HMGN5: variants seen among roughly 807,000 people sequenced by gnomAD.
HMGN5 encodes the protein high mobility group nucleosome binding domain 5.
Under a neutral mutation model 9.5 loss-of-function variants are expected in HMGN5, and 4 were observed. The ratio of observed to expected loss-of-function variants is 0.42; its 90% CI spans 0.21 to 0.96. The LOEUF is 0.96. Ranked by LOEUF, HMGN5 falls within the 40% of genes least tolerant of loss-of-function variation. The pLI, the probability that HMGN5 is intolerant of heterozygous loss-of-function variation, is 0.30. For synonymous variants in HMGN5, 55 were observed against 57.1 expected, an observed-to-expected ratio of 0.96 and a Z score of 0.16; for missense variants, 192 against 187.5, an observed-to-expected ratio of 1.02 and a Z score of -0.14.
At chrX:81,180,280 G>C (rs1369287431) in intron 1 of HMGN5, among the ~76,000 whole-genome samples, 1 of 110,790 alleles carries the variant, frequency 9.0e-6, no homozygotes, top group Non-Finnish European at 1.9e-5. Context: ...TACAGAATGG[G>C]AGAAAATTTT....
chrX:81,128,508 A>G (rs367650909), intron 1 of HMGN5, among the ~76,000 whole-genome samples: 1 of 111,567 alleles, frequency 9.0e-6, no homozygotes, highest in East Asian at 2.8e-4. Flanking sequence ...ATATACAGAC[A>G]CATGATCAAT....
chrX:81,199,925 T>C (rs972398427), intron 1 of HMGN5, among the ~76,000 whole-genome samples: 3 of 111,676 alleles, frequency 2.7e-5, no homozygotes, highest in African/African-American at 9.8e-5. Context: ...GAAACTATCA[T>C]CAGAGTGAAC....
chrX:81,134,088 C>A (rs1315035519), intron 1 of HMGN5, among the ~76,000 whole-genome samples: 5 of 110,814 alleles, frequency 4.5e-5, no homozygotes, highest in African/African-American at 1.6e-4. Flanking sequence ...ACATTTAGAT[C>A]TAGCAAAAAA....
chrX:81,146,026 G>C (rs899197259), intron 1 of HMGN5, among the ~76,000 whole-genome samples: 2 of 110,995 alleles, frequency 1.8e-5, no homozygotes, highest in African/African-American at 6.6e-5. Context: ...CCTACAAAGA[G>C]ACTTAGACTC....
intron 1 of HMGN5, among the ~76,000 whole-genome samples, chrX:81,134,261 T>A (rs1488906180): frequency 9.0e-6 from 1 of 111,711 alleles, no homozygotes; most frequent in African/African-American, 3.2e-5. Flanking sequence ...AGGCCCTTCA[T>A]GATGAGTTTG....
intron 1 of HMGN5, among the ~76,000 whole-genome samples, chrX:81,127,762 T>A (rs1297694244): frequency 9.0e-6 from 1 of 111,731 alleles, no homozygotes; most frequent in Non-Finnish European, 1.9e-5. Flanking sequence ...TAGTTGTCTT[T>A]AATCCTCAAA....
At chrX:81,188,263 ATATTATTATTATTATTAT>A (rs558790724) in intron 1 of HMGN5, among the ~76,000 whole-genome samples, 2 of 86,975 alleles carry the variant, frequency 2.3e-5, no homozygotes, top group Non-Finnish European at 4.4e-5. Context: ...TGTGCACAGA[ATATTATTATTATTATTAT>A]TATTATTATT....
chrX:81,128,247 G>T (rs1411071561), intron 1 of HMGN5, among the ~76,000 whole-genome samples: 6 of 111,224 alleles, frequency 5.4e-5, no homozygotes, highest in African/African-American at 2.0e-4. Context: ...AACCTAAAAA[G>T]ATTATATTTT....
intron 1 of HMGN5, among the ~76,000 whole-genome samples, chrX:81,156,298 G>A (rs1192671302): frequency 1.8e-5 from 2 of 112,132 alleles, no homozygotes; most frequent in Non-Finnish European, 3.8e-5. Context: ...GGTAGGCCAA[G>A]GTATGGACAG....
At chrX:81,161,385 G>A (rs1353869675) in intron 1 of HMGN5, among the ~76,000 whole-genome samples, 1 of 111,189 alleles carries the variant, frequency 9.0e-6, no homozygotes, top group Non-Finnish European at 1.9e-5. Context: ...ATTCCCAGCT[G>A]AGACCTTAGA....
chrX:81,158,031 C>T (rs979625653), intron 1 of HMGN5, among the ~76,000 whole-genome samples: 3 of 111,117 alleles, frequency 2.7e-5, no homozygotes, highest in African/African-American at 6.6e-5. Context: ...CTGCCTGCCT[C>T]GGCCTCCCAA....
At chrX:81,166,981 C>T (rs2075412851) in intron 1 of HMGN5, among the ~76,000 whole-genome samples, 1 of 111,117 alleles carries the variant, frequency 9.0e-6, no homozygotes, top group Non-Finnish European at 1.9e-5. Flanking sequence ...GGAGAGGGGA[C>T]TGAATACCAC....
At chrX:81,127,251 G>A (rs997317939) in intron 1 of HMGN5, among the ~76,000 whole-genome samples, 2 of 111,510 alleles carry the variant, frequency 1.8e-5, no homozygotes, top group Admixed American at 9.6e-5. Flanking sequence ...CTTACAAAAA[G>A]AAATGAAACA....
chrX:81,148,555 C>G (rs974940551), intron 1 of HMGN5, among the ~76,000 whole-genome samples: 5 of 111,727 alleles, frequency 4.5e-5, no homozygotes, highest in African/African-American at 1.6e-4. Context: ...CAATACCATT[C>G]AGGACATAGG....
chrX:81,158,722 G>T (rs181651423), intron 1 of HMGN5, among the ~76,000 whole-genome samples: 1 of 111,814 alleles, frequency 8.9e-6, no homozygotes. Context: ...TGGAGTTTTC[G>T]TCATGAAATC....
intron 1 of HMGN5, among the ~76,000 whole-genome samples, chrX:81,133,691 C>T (rs753916556): frequency 9.0e-6 from 1 of 110,607 alleles, no homozygotes; most frequent in Non-Finnish European, 1.9e-5. Context: ...GGGAACAACA[C>T]ACACTGGGAC....
chrX:81,151,633 G>T (rs1488589011), intron 1 of HMGN5, among the ~76,000 whole-genome samples: 1 of 111,402 alleles, frequency 9.0e-6, no homozygotes, highest in Non-Finnish European at 1.9e-5. Context: ...TTGAGCAGTG[G>T]TTTGTAGCTC....
At chrX:81,153,583 C>CTA (rs34937225) in intron 1 of HMGN5, among the ~76,000 whole-genome samples, 3 of 6,141 alleles carry the variant, frequency 4.9e-4, no homozygotes, top group Admixed American at 1.6e-3. Flanking sequence ...CTCTCTCTCT[C>CTA]TATATATATA....
At position 81,181,359 on chromosome X, in the gene HMGN5, C is replaced by T. The variant is rs188015342; in HGVS notation, c.-124+20378G>A. 6.8e-3 allele frequency among the ~76,000 whole-genome samples: 745 copies of T among 110,234 alleles called. 7 individuals are homozygous for T. Among genetic ancestry groups the T allele is most frequent in the Middle Eastern group, 0.019 (4 of 212 alleles). On this transcript the variant is annotated intron_variant, in intron 1 of 6. Transcript: ENST00000358130. Reference sequence around the variant, plus strand: ...AGTATGTGCATATATTTATCGGTTACGTGATATATTTTGATACAGACATGC... The same window carrying T: ...AGTATGTGCATATATTTATCGGTTATGTGATATATTTTGATACAGACATGC...
Sources: allele counts gnomAD v4.1 joint callset (sites outside exome capture counted in the v4.1 genomes callset), GRCh38; gene constraint gnomAD v4.1.1; transcripts MANE v1.5; gene names NCBI Gene and HGNC (gene_info 2026-07-23, HGNC 2026-07-21).